Variants in DOCK1 observed in about 807,000 individuals in gnomAD.
DOCK1 encodes dedicator of cytokinesis protein 1.
A neutral mutation model predicts 262.7 loss-of-function variants in DOCK1; 138 were observed. The observed-to-expected ratio is 0.53, with a 90% confidence interval of 0.46 to 0.61. DOCK1 has a LOEUF of 0.61. Ranked by LOEUF, DOCK1 falls within the 20% of genes least tolerant of loss-of-function variation. The pLI, the probability that DOCK1 is intolerant of heterozygous loss-of-function variation, is 0.00. For missense variants in DOCK1, 1,908 were observed against 2,370.7 expected, an observed-to-expected ratio of 0.80 and a Z score of 4.05; for synonymous variants, 866 against 867.4, an observed-to-expected ratio of 1.00 and a Z score of 0.03.
chr10:127,277,894 A>G (rs2060800919), intron 29 of DOCK1, among the ~76,000 whole-genome samples: 1 of 151,948 alleles, frequency 6.6e-6, no homozygotes, highest in Non-Finnish European at 1.5e-5. Flanking sequence ...ATCTTTTCAA[A>G]TCTTTAGAAT....
At chr10:127,447,265 A>G in intron 50 of DOCK1, 129 bp from the exon 51 acceptor site, 10 of 1,376,262 alleles carry the variant, frequency 7.3e-6, no homozygotes, top group Non-Finnish European at 9.9e-6. Flanking sequence ...CTCTGTTGAC[A>G]AACGTTTTCT....
chr10:127,027,615 T>G (rs199902794), intron 16 of DOCK1, among the ~76,000 whole-genome samples: 3 of 408 alleles, frequency 7.4e-3, no homozygotes, highest in Non-Finnish European at 0.013. Context: ...AAAAAAACAT[T>G]AAACCTTCCT....
intron 46 of DOCK1, among the ~76,000 whole-genome samples, chr10:127,421,925 C>T (rs1444117778): frequency 6.6e-6 from 1 of 152,182 alleles, no homozygotes; most frequent in African/African-American, 2.4e-5. Flanking sequence ...GTGAACAATG[C>T]TGCTGTGAAT....
At chr10:127,423,313 C>G (rs917686753) in intron 46 of DOCK1, among the ~76,000 whole-genome samples, 7 of 152,068 alleles carry the variant, frequency 4.6e-5, no homozygotes, top group African/African-American at 1.7e-4. Context: ...TTTTCATCAC[C>G]GATATATAAT....
intron 47 of DOCK1, among the ~76,000 whole-genome samples, chr10:127,427,971 G>A (rs1246407578): frequency 1.3e-5 from 2 of 152,236 alleles, no homozygotes; most frequent in African/African-American, 4.8e-5. Context: ...AGCGGGAGCT[G>A]CTGCAGGTGA....
chr10:127,032,417 C>T (rs1027302727), intron 18 of DOCK1, 97 bp downstream of exon 18: 50 of 1,298,788 alleles, frequency 3.8e-5, no homozygotes, highest in Non-Finnish European at 4.9e-5. Flanking sequence ...TCCGTAGGTG[C>T]ATGAACGTCA....
intron 29 of DOCK1, among the ~76,000 whole-genome samples, chr10:127,290,747 GTA>G: frequency 6.6e-6 from 1 of 152,220 alleles, no homozygotes; most frequent in East Asian, 1.9e-4. Flanking sequence ...CCAGGTTGTT[GTA>G]TATAGCAATA....
intron 22 of DOCK1, among the ~76,000 whole-genome samples, chr10:127,054,647 T>C (rs1259637189): frequency 1.3e-5 from 2 of 152,250 alleles, no homozygotes; most frequent in African/African-American, 2.4e-5. Flanking sequence ...CTTGCTGTTA[T>C]ATTTTCCTCA....
intron 1 of DOCK1, among the ~76,000 whole-genome samples, chr10:126,916,855 G>A (rs1011176617): frequency 2.6e-5 from 4 of 151,960 alleles, no homozygotes; most frequent in South Asian, 2.1e-4. Flanking sequence ...TGAAACTCTC[G>A]AGGCCAGTGG....
At chr10:127,296,194 C>T (rs1458171971) in intron 29 of DOCK1, among the ~76,000 whole-genome samples, 1 of 152,168 alleles carries the variant, frequency 6.6e-6, no homozygotes, top group Admixed American at 6.5e-5. Flanking sequence ...GCATGCCATT[C>T]GATTTTGTTA....
At chr10:127,113,753 T>C (rs866792126) in intron 25 of DOCK1, among the ~76,000 whole-genome samples, 1 of 152,190 alleles carries the variant, frequency 6.6e-6, no homozygotes, top group African/African-American at 2.4e-5. Context: ...GGGACTGGCC[T>C]GAATGAGGAC....
chr10:126,937,889 G>C (rs2034661577), intron 1 of DOCK1, among the ~76,000 whole-genome samples: 1 of 151,946 alleles, frequency 6.6e-6, no homozygotes, highest in African/African-American at 2.4e-5. Context: ...GTTGTTTTCT[G>C]TGCACTTGAG....
intron 43 of DOCK1, among the ~76,000 whole-genome samples, chr10:127,412,163 G>A (rs1158460887): frequency 1.1e-4 from 16 of 151,694 alleles, no homozygotes; most frequent in Non-Finnish European, 2.4e-4. Context: ...GGGGTTTCAC[G>A]GTGTTAGCCA....
intron 28 of DOCK1, among the ~76,000 whole-genome samples, chr10:127,251,483 A>G (rs1017488931): frequency 1.3e-5 from 2 of 149,920 alleles, no homozygotes; most frequent in Non-Finnish European, 3.0e-5. Flanking sequence ...TGCACCCAAT[A>G]ACTCGTCATT....
At chr10:127,066,173 C>G (rs2045860404) in intron 23 of DOCK1, among the ~76,000 whole-genome samples, 1 of 152,068 alleles carries the variant, frequency 6.6e-6, no homozygotes, top group Non-Finnish European at 1.5e-5. Flanking sequence ...GTTCTGTGTT[C>G]TGCCCCAAGA....
At chr10:127,428,575 T>C (rs1405407817) in intron 47 of DOCK1, among the ~76,000 whole-genome samples, 1 of 147,794 alleles carries the variant, frequency 6.8e-6, no homozygotes, top group East Asian at 2.0e-4. Context: ...CCATGTGGAT[T>C]GTGGTGTTGT....
At chr10:127,428,925 C>T (rs1467471455) in intron 47 of DOCK1, among the ~76,000 whole-genome samples, 15 of 110,144 alleles carry the variant, frequency 1.4e-4, no homozygotes, top group East Asian at 6.4e-4. Context: ...ATTGGGGTAC[C>T]GTGTGGATTG....
intron 31 of DOCK1, among the ~76,000 whole-genome samples, chr10:127,353,039 G>T (rs562947515): frequency 6.6e-6 from 1 of 152,254 alleles, no homozygotes; most frequent in East Asian, 1.9e-4. Flanking sequence ...GGGGACATGG[G>T]CGCAGGGGGT....
At chr10:127,430,809 A>G (rs1189129259) in intron 47 of DOCK1, among the ~76,000 whole-genome samples, 1 of 152,040 alleles carries the variant, frequency 6.6e-6, no homozygotes, top group Non-Finnish European at 1.5e-5. Context: ...GCCCATTCCC[A>G]TCCAAGACTC....
Sources: allele counts gnomAD v4.1 joint callset (sites outside exome capture counted in the v4.1 genomes callset), GRCh38; gene constraint gnomAD v4.1.1; transcripts MANE v1.5; gene names NCBI Gene and HGNC (gene_info 2026-07-23, HGNC 2026-07-21).